Variants in PGA3 observed in about 807,000 individuals in gnomAD.
PGA3 encodes pepsinogen A3, also known as pepsin A-3.
PGA3 carries 1 observed loss-of-function variant against 15.6 expected under a neutral mutation model. The ratio of observed to expected loss-of-function variants is 0.06; its 90% CI spans 0.02 to 0.30. The LOEUF (loss-of-function observed/expected upper bound fraction) is 0.30. Ranked by LOEUF, PGA3 falls within the 10% of genes least tolerant of loss-of-function variation. The pLI is 1.00. For synonymous variants in PGA3, 14 were observed against 79.5 expected (o/e 0.18, Z 4.38); for missense variants, 29 against 183.7 (o/e 0.16, Z 4.87).
At chr11:61,211,574 C>T (rs1242409173) in intron 8 of PGA3, 139 bp downstream of exon 8, 2 of 1,104,580 alleles carry the variant, frequency 1.8e-6, no homozygotes, top group Non-Finnish European at 2.6e-6. Flanking sequence ...TAGACAGCCT[C>T]CAGAGAAAAA....
intron 2 of PGA3, among the ~76,000 whole-genome samples, chr11:61,205,416 A>G (rs1185644731): frequency 2.0e-5 from 3 of 152,200 alleles, no homozygotes; most frequent in Admixed American, 1.3e-4. Flanking sequence ...ATAAACAACC[A>G]TGTAAGAGAA....
intron 1 of PGA3, 166 bp downstream of exon 1, chr11:61,203,786 A>G (rs1306471109): frequency 8.6e-7 from 1 of 1,162,664 alleles, no homozygotes; most frequent in African/African-American, 1.6e-5. Context: ...AGACATGGTT[A>G]AAACTCGGGC....
chr11:61,211,625 C>T (rs1590583566), intron 8 of PGA3, among the ~76,000 whole-genome samples, 190 bp downstream of exon 8: 1 of 149,532 alleles, frequency 6.7e-6, no homozygotes, highest in Admixed American at 6.7e-5. Context: ...AACTCGGATA[C>T]AGCCCCCTAA....
chr11:61,205,995 CA>C (rs1254503947), intron 2 of PGA3: 33 of 134,198 alleles, frequency 2.5e-4, no homozygotes, highest in East Asian at 5.6e-4. Flanking sequence ...AGACTTGTCT[CA>C]AAAAAAAAGA....
chr11:61,204,636 G>A (rs1853902357), intron 2 of PGA3: 1 of 418,952 alleles, frequency 2.4e-6, no homozygotes, highest in Non-Finnish European at 4.5e-6. Flanking sequence ...GAGTGACGGT[G>A]TCACACTGCG....
intron 2 of PGA3, chr11:61,204,584 T>A: frequency 1.7e-6 from 1 of 578,552 alleles, no homozygotes; most frequent in Non-Finnish European, 3.0e-6. Flanking sequence ...CATCAAGGGG[T>A]CTCGCAAAGC....
intron 8 of PGA3, among the ~76,000 whole-genome samples, chr11:61,211,689 C>T (rs2134695191): frequency 6.7e-6 from 1 of 150,348 alleles, no homozygotes; most frequent in African/African-American, 2.4e-5. Context: ...TATTTGGACC[C>T]CTGGGTCCAA....
At chr11:61,205,405 A>G (rs1853913446) in intron 2 of PGA3, among the ~76,000 whole-genome samples, 1 of 152,214 alleles carries the variant, frequency 6.6e-6, no homozygotes, top group African/African-American at 2.4e-5. Context: ...GGGGATGACA[A>G]ATAAACAACC....
In PGA3 at chr11:61,206,626, C is replaced by T. The variant is rs1174995243; in HGVS notation, c.336C>T (p.Cys112=). The T allele has an allele frequency of 4.2e-5, 2 of 47,994 alleles. No individual in the cohort carries two copies. The highest frequency in any genetic ancestry group is 2.2e-4 in the South Asian group (2 of 9,148). 3.0% of individuals were successfully genotyped at this position (47,994 alleles called of 1,614,324 possible). Residue 112 remains cysteine (C), a splice_region_variant and synonymous_variant, in exon 3 of 9, where the codon TGC becomes TGT. Coordinates refer to ENST00000325558, the MANE Select transcript of PGA3 (RefSeq NM_001079807.4). ...CAGTCTACTGCTCCAGTCTTGCCTGCAGTAAGTGCCCAGACCGCCCTACCC... is the reference window on the plus strand; with the variant it reads ...CAGTCTACTGCTCCAGTCTTGCCTGTAGTAAGTGCCCAGACCGCCCTACCC... ...VPSVYCSSLA[C]TNHNRFNPED... is the part of the protein sequence containing the mutation.
intron 2 of PGA3, chr11:61,206,076 G>T (rs1853924584): frequency 4.2e-6 from 1 of 235,472 alleles, no homozygotes; most frequent in Non-Finnish European, 9.0e-6. Context: ...AAGAAAACTG[G>T]ACAGGTTTCC....
chr11:61,204,727 C>T (rs577526030), intron 2 of PGA3: 27 of 198,112 alleles, frequency 1.4e-4, no homozygotes, highest in South Asian at 6.7e-4. Context: ...GACAGAACTC[C>T]GCATAGCCTG....
chr11:61,207,399 G>GT, intron 3 of PGA3, 98 bp from the exon 4 acceptor site: 1 of 1,262,432 alleles, frequency 7.9e-7, no homozygotes, highest in Non-Finnish European at 1.2e-6. Flanking sequence ...CACCTCCAGA[G>GT]CCCGTCCCAG....
intron 8 of PGA3, among the ~76,000 whole-genome samples, 167 bp downstream of exon 8, chr11:61,211,602 A>G (rs1287293269): frequency 2.7e-5 from 4 of 148,356 alleles, no homozygotes. Context: ...TTAAAAACAA[A>G]TGCAGGAATA....
intron 8 of PGA3, among the ~76,000 whole-genome samples, chr11:61,211,715 T>G (rs1353143593): frequency 1.3e-5 from 2 of 150,400 alleles, no homozygotes; most frequent in Non-Finnish European, 3.0e-5. Flanking sequence ...GGGTCTGAAT[T>G]ACTAGCCCAT....
chr11:61,205,051 G>C (rs1204242540), intron 2 of PGA3, among the ~76,000 whole-genome samples: 2 of 152,204 alleles, frequency 1.3e-5, no homozygotes, highest in Non-Finnish European at 2.9e-5. Flanking sequence ...GTGGTTCAGA[G>C]ACTGGCCTCT....
chr11:61,204,926 A>T (rs1263352870), intron 2 of PGA3, among the ~76,000 whole-genome samples: 3 of 152,198 alleles, frequency 2.0e-5, no homozygotes, highest in Non-Finnish European at 4.4e-5. Context: ...AGTTTCAGAA[A>T]GATCACCCTG....
intron 1 of PGA3, 60 bp downstream of exon 1, chr11:61,203,680 CGT>C: frequency 6.2e-7 from 1 of 1,607,746 alleles, no homozygotes; most frequent in South Asian, 1.1e-5. Context: ...TCTTTCCTCC[CGT>C]GTCTTCCTTC....
intron 2 of PGA3, among the ~76,000 whole-genome samples, chr11:61,204,958 T>C (rs1456842893): frequency 6.6e-6 from 1 of 152,198 alleles, no homozygotes. Context: ...TGAGATCCGA[T>C]AGCAAACACC....
rs1237139830 is a variant in PGA3 at position 61,205,586 on chromosome 11, C to T, written c.220-924C>T. 2.1e-4 allele frequency: 23 copies of T among 108,858 alleles called. 1 individual carries two copies. Among genetic ancestry groups the T allele is most frequent in the African/African-American group, 7.3e-4 (22 of 30,064 alleles). The allele number at this position is 108,858 out of a possible 1,614,324, so 6.7% of individuals were successfully genotyped here. A position where few individuals can be genotyped will look rare whatever the true frequency, so the allele number is the denominator to read the frequency against. ...AATGATTGATTTTTGATAAAAGGAT[C>T]AGCCAAGGAAAGATCTAGAATAAAC... On this transcript the variant is annotated intron_variant, in intron 2 of 8. Transcript: ENST00000325558.
Sources: allele counts gnomAD v4.1 joint callset (sites outside exome capture counted in the v4.1 genomes callset), GRCh38; gene constraint gnomAD v4.1.1; transcripts MANE v1.5; gene names NCBI Gene and HGNC (gene_info 2026-07-23, HGNC 2026-07-21).